The following ECHDC1 variants were observed in gnomAD, a reference collection of about 807,000 sequenced individuals.
ECHDC1 encodes the protein ethylmalonyl-CoA decarboxylase 1.
In ECHDC1, 29 loss-of-function variants were observed where a neutral mutation model predicts 29.7. That is an observed-to-expected ratio of 0.98 (90% CI 0.73 to 1.33). ECHDC1 has a LOEUF of 1.33. Among genes scored for constraint, ECHDC1 ranks in the 40% most tolerant of loss-of-function variants. The probability of loss-of-function intolerance (pLI) is 0.00; values close to 1 mark genes in which losing one functional copy is unlikely to be tolerated. For synonymous variants in ECHDC1, 126 were observed against 123.1 expected (o/e 1.02, Z -0.15); for missense variants, 328 against 350.0 (o/e 0.94, Z 0.50).
At chr6:127,304,153 T>C (rs1781268110) in intron 5 of ECHDC1, among the ~76,000 whole-genome samples, 1 of 152,046 alleles carries the variant, frequency 6.6e-6, no homozygotes, top group Non-Finnish European at 1.5e-5. Context: ...GGCCATAGGG[T>C]TACTTAGTTC....
At chr6:127,324,950 T>C (rs1297764859) in intron 3 of ECHDC1, among the ~76,000 whole-genome samples, 1 of 152,232 alleles carries the variant, frequency 6.6e-6, no homozygotes, top group Non-Finnish European at 1.5e-5. Context: ...AGATGGAATT[T>C]ATTTTCCCTT....
At chr6:127,299,705 T>TGTAAAA (rs1304686616) in intron 5 of ECHDC1, among the ~76,000 whole-genome samples, 1 of 152,190 alleles carries the variant, frequency 6.6e-6, no homozygotes, top group African/African-American at 2.4e-5. Flanking sequence ...ATTTTTTATG[T>TGTAAAA]GTAAAAGTAA....
chr6:127,337,491 C>T (rs962173965), intron 1 of ECHDC1, among the ~76,000 whole-genome samples: 1 of 152,108 alleles, frequency 6.6e-6, no homozygotes, highest in African/African-American at 2.4e-5. Context: ...CTGGAAGCAC[C>T]CCCGCTTTAA....
At chr6:127,341,812 C>G (rs779489614) in intron 1 of ECHDC1, among the ~76,000 whole-genome samples, 20 of 152,176 alleles carry the variant, frequency 1.3e-4, no homozygotes, top group Non-Finnish European at 2.5e-4. Flanking sequence ...AAGACTAACG[C>G]AAACTCATAC....
chr6:127,331,762 C>G, intron 1 of ECHDC1: 1 of 907,118 alleles, frequency 1.1e-6, no homozygotes, highest in African/African-American at 1.8e-5. Context: ...GAAACAGCCT[C>G]TATGCAGAAA....
At chr6:127,323,107 G>C (rs370303563) in intron 3 of ECHDC1, among the ~76,000 whole-genome samples, 17 of 152,036 alleles carry the variant, frequency 1.1e-4, no homozygotes, top group Admixed American at 7.9e-4. Context: ...CAGGCTGTGT[G>C]TTTAAGGTGT....
intron 1 of ECHDC1, among the ~76,000 whole-genome samples, chr6:127,336,524 G>A (rs1170197316): frequency 1.3e-5 from 2 of 152,104 alleles, no homozygotes; most frequent in Non-Finnish European, 2.9e-5. Flanking sequence ...AAGTATTTCT[G>A]AAATTATTAC....
chr6:127,331,981 TA>T (rs1389499117), intron 1 of ECHDC1: 31 of 564,476 alleles, frequency 5.5e-5, no homozygotes, highest in Non-Finnish European at 7.0e-5. Context: ...TCTCTGCCCA[TA>T]AGCTTTTCTT....
chr6:127,313,471 G>A (rs553787693), intron 5 of ECHDC1: 113 of 408,194 alleles, frequency 2.8e-4, no homozygotes, highest in Admixed American at 1.4e-3. Flanking sequence ...CCAAAATGCT[G>A]GGATAACAGG....
chr6:127,314,846 C>A lies in ECHDC1; in HGVS notation c.467G>T (p.Gly156Val), dbSNP rs764167963. The A allele has an allele frequency of 6.2e-7, 1 of 1,611,726 alleles. No homozygotes were observed. The stretch of plus-strand genomic sequence containing the variant: ...ATCACATGCTGTAGTAAATTCTGCT[C>A]CTCCACCCAATGCCCAACCTTGAAC... ...ALVQGWALGGGAEFTTACDFR... is the reference protein window; with the variant it reads ...ALVQGWALGGVAEFTTACDFR... Residue 156 changes from glycine to valine, a missense_variant, in exon 5 of 6, where the codon GGA (glycine) becomes GTA (valine). Physicochemically the swap from Gly to Val is moderately radical, Grantham distance 109 (BLOSUM62 -3). Transcript: ENST00000454859.
chr6:127,331,067 A>G, intron 1 of ECHDC1, 37 bp from the exon 2 acceptor site: 1 of 1,503,190 alleles, frequency 6.7e-7, no homozygotes, highest in Non-Finnish European at 9.2e-7. Context: ...AGTATAGATG[A>G]ATAGGCACTC....
intron 4 of ECHDC1, chr6:127,315,149 A>G (rs1447688407): frequency 1.6e-6 from 1 of 618,920 alleles, no homozygotes; most frequent in African/African-American, 1.8e-5. Flanking sequence ...CTGAATCATT[A>G]TATATTTTTA....
In ECHDC1 at chr6:127,290,013, A is replaced by T. The variant is rs535550226; in HGVS notation, c.762T>A (p.Ile254=). ...KQFIQGPPEV[I]RALKKSVCSG... ...AACAAACAGATTTTTTCAAAGCTCT[A>T]ATTACTTCCGGTGGCCCTTGGATGA... is the stretch of plus-strand genomic sequence containing the variant. The change falls in exon 6 of 6, where the codon ATT becomes ATA. Residue 254 remains isoleucine (I), a synonymous_variant. Coordinates refer to ENST00000454859, the MANE Select transcript of ECHDC1 (RefSeq NM_001002030.2). 1 of 1,613,694 alleles carries T rather than the reference A, an allele frequency of 6.2e-7. No homozygotes were observed. Among genetic ancestry groups the T allele is most frequent in the African/African-American group, 1.3e-5 (1 of 75,000 alleles).
chr6:127,330,627 T>A (rs949916175), intron 2 of ECHDC1, among the ~76,000 whole-genome samples, 182 bp downstream of exon 2: 2 of 152,228 alleles, frequency 1.3e-5, no homozygotes, highest in Non-Finnish European at 2.9e-5. Context: ...TCCATAATCA[T>A]TAAAAGTTAC....
At chr6:127,331,925 T>C in intron 1 of ECHDC1, 1 of 967,732 alleles carries the variant, frequency 1.0e-6, no homozygotes. Context: ...TTCCCCAAGG[T>C]TCTGTCACTT....
rs1227880547 is a variant in ECHDC1, at chr6:127,330,831, T to C, written c.198A>G (p.Pro66=). Residue 66 remains proline, a synonymous_variant, in exon 2 of 6, where the codon CCA becomes CCG. Coordinates refer to ENST00000454859, the MANE Select transcript of ECHDC1 (RefSeq NM_001002030.2). ...NGIGILTLNN[P]SRMNAFSGVM... ...TACCTGAAAAGGCATTCATTCTACT[T>C]GGATTGTTCAGAGTAAGAATGCCAA... 1.2e-6 allele frequency: 2 copies of C among 1,613,772 alleles called. No homozygotes were observed. The highest frequency in any genetic ancestry group is 1.7e-6 in the Non-Finnish European group (2 of 1,179,856).
intron 3 of ECHDC1, among the ~76,000 whole-genome samples, chr6:127,321,430 T>A (rs141219813): frequency 0.014 from 2,140 of 152,332 alleles, 28 homozygotes; most frequent in Non-Finnish European, 0.021. Flanking sequence ...GTTTCAGCTT[T>A]ACACAGATTT....
At chr6:127,313,695 G>A in intron 5 of ECHDC1, 1 of 410,842 alleles carries the variant, frequency 2.4e-6, no homozygotes, top group Non-Finnish European at 4.9e-6. Flanking sequence ...GGCAAGGCCA[G>A]GGTTAGCCCA....
At position 127,289,828 on chromosome 6, in the gene ECHDC1, C is replaced by A. The variant is rs749905724; in HGVS notation, c.*41G>T. ...TCATTTAACATTTATACATATTAGT[C>A]ACTGGAGCTTTACTTGGAGTACATC... On this transcript the variant is annotated 3_prime_UTR_variant, in exon 6 of 6. Transcript: ENST00000454859. The A allele has an allele frequency of 2.0e-6, 3 of 1,536,536 alleles. No homozygotes were observed. The highest frequency in any genetic ancestry group is 1.2e-5 in the South Asian group (1 of 81,240).
Sources: gnomAD v4.1 joint callset for allele counts (sites outside exome capture counted in the v4.1 genomes callset) on GRCh38, gnomAD v4.1.1 for gene constraint, MANE v1.5 for transcripts, NCBI Gene and HGNC (gene_info 2026-07-23, HGNC 2026-07-21) for gene names.